Variants in COL4A6 observed in about 807,000 individuals in gnomAD.
COL4A6 encodes collagen alpha-6(IV) chain.
Under a neutral mutation model 126.7 loss-of-function variants are expected in COL4A6, and 59 were observed. The ratio of observed to expected loss-of-function variants is 0.47; its 90% CI spans 0.38 to 0.58. The LOEUF (loss-of-function observed/expected upper bound fraction) is 0.58. COL4A6 is among the 20% of genes least tolerant of loss of function. The pLI is 0.00. For missense variants in COL4A6, 1,285 were observed against 1,337.3 expected, an observed-to-expected ratio of 0.96 and a Z score of 0.61; for synonymous variants, 547 against 496.6, an observed-to-expected ratio of 1.10 and a Z score of -1.35.
In COL4A6 at chrX:108,159,569, C is replaced by G. The variant is rs1461360558; in HGVS notation, c.4705G>C (p.Val1569Leu). 8 of 1,210,868 alleles carry G rather than the reference C, an allele frequency of 6.6e-6. No homozygotes were observed. Among genetic ancestry groups the G allele is most frequent in the African/African-American group, 1.7e-5 (1 of 57,453 alleles). The stretch of plus-strand genomic sequence containing the variant: ...ATGGCTTGCGAGGGTGCCTCACACA[C>G]AGAGCAGCGGCTGATGTACTGGGGA... ...QIPQYISRCS[V>L]CEAPSQAIAV... The change falls in exon 44 of 45, where the codon GTG becomes CTG. Residue 1569 changes from valine to leucine, a missense_variant. Val to Leu is a conservative substitution (Grantham distance 32, BLOSUM62 1). Coordinates refer to ENST00000334504, the MANE Select transcript of COL4A6 (RefSeq NM_033641.4).
intron 3 of COL4A6, among the ~76,000 whole-genome samples, chrX:108,301,365 A>T (rs2038484743): frequency 8.9e-6 from 1 of 112,396 alleles, no homozygotes; most frequent in Non-Finnish European, 1.9e-5. Flanking sequence ...GATATTAGAA[A>T]AACACTTTAA....
chrX:108,367,183 A>G (rs1268562025), intron 2 of COL4A6, among the ~76,000 whole-genome samples: 2 of 112,314 alleles, frequency 1.8e-5, no homozygotes, highest in Non-Finnish European at 3.8e-5. Flanking sequence ...AGGCAAAAAA[A>G]TATACTGGCT....
At chrX:108,408,903 G>A (rs1796698961) in intron 2 of COL4A6, among the ~76,000 whole-genome samples, 1 of 112,007 alleles carries the variant, frequency 8.9e-6, no homozygotes, top group Non-Finnish European at 1.9e-5. Context: ...AGAGGTTGTG[G>A]TGAGCTGAGA....
intron 3 of COL4A6, among the ~76,000 whole-genome samples, chrX:108,229,065 T>A (rs769433528): frequency 8.9e-6 from 1 of 112,220 alleles, no homozygotes; most frequent in East Asian, 2.8e-4. Context: ...TGGGTCTGGC[T>A]GGAGCAGAGG....
chrX:108,379,732 G>A (rs1479708274), intron 2 of COL4A6, among the ~76,000 whole-genome samples: 1 of 110,110 alleles, frequency 9.1e-6, no homozygotes, highest in Non-Finnish European at 1.9e-5. Context: ...CTTCACAGCT[G>A]ATGGAGACAT....
At chrX:108,375,414 A>G (rs1240133196) in intron 2 of COL4A6, among the ~76,000 whole-genome samples, 4 of 111,750 alleles carry the variant, frequency 3.6e-5, no homozygotes, top group Admixed American at 9.5e-5. Flanking sequence ...TACCTGGGGA[A>G]AACCCTTCTA....
At chrX:108,431,436 C>T (rs73533294) in intron 2 of COL4A6, among the ~76,000 whole-genome samples, 7,028 of 111,307 alleles carry the variant, frequency 0.063, 526 homozygotes, top group African/African-American at 0.2. Context: ...ATTAAAATCC[C>T]GAATGTTGAA....
intron 2 of COL4A6, among the ~76,000 whole-genome samples, chrX:108,395,247 C>T (rs1209115815): frequency 8.9e-6 from 1 of 111,944 alleles, no homozygotes; most frequent in African/African-American, 3.2e-5. Flanking sequence ...ACATGTGTTA[C>T]TGTGTGATCT....
intron 2 of COL4A6, among the ~76,000 whole-genome samples, chrX:108,418,596 A>C (rs1287100877): frequency 1.8e-5 from 2 of 112,308 alleles, no homozygotes; most frequent in Non-Finnish European, 3.8e-5. Flanking sequence ...ACCATAAGTA[A>C]AACTGGCTTT....
chrX:108,438,088 A>T, intron 1 of COL4A6, 95 bp from the exon 2 acceptor site: 1 of 1,202,465 alleles, frequency 8.3e-7, no homozygotes, highest in Non-Finnish European at 1.1e-6. Context: ...GCCTGCTCCC[A>T]ATTTCTCTGC....
intron 2 of COL4A6, among the ~76,000 whole-genome samples, chrX:108,337,278 C>G (rs1327081121): frequency 9.0e-6 from 1 of 111,499 alleles, no homozygotes; most frequent in East Asian, 2.8e-4. Context: ...ACACTCACTC[C>G]TGGTAATTCC....
At chrX:108,184,174 C>CAATGCA (rs1300779927) in intron 23 of COL4A6, among the ~76,000 whole-genome samples, 1 of 112,263 alleles carries the variant, frequency 8.9e-6, no homozygotes, top group Non-Finnish European at 1.9e-5. Flanking sequence ...GAAATGGCTA[C>CAATGCA]AATGCAAATG....
chrX:108,404,224 A>G (rs1049874283), intron 2 of COL4A6, among the ~76,000 whole-genome samples: 3 of 112,194 alleles, frequency 2.7e-5, no homozygotes, highest in Non-Finnish European at 5.6e-5. Context: ...TTATTTTAGT[A>G]AATAAAAATG....
intron 1 of COL4A6, 61 bp downstream of exon 1, chrX:108,438,125 G>A (rs2064304984): frequency 2.5e-6 from 3 of 1,208,336 alleles, no homozygotes; most frequent in Non-Finnish European, 3.4e-6. Flanking sequence ...GTATAGTCCC[G>A]GCCTGGCAAA....
intron 3 of COL4A6, among the ~76,000 whole-genome samples, chrX:108,302,719 A>ACTCTT (rs2038521473): frequency 9.0e-6 from 1 of 110,577 alleles, no homozygotes; most frequent in Admixed American, 9.7e-5. Context: ...TGGAGCCCCC[A>ACTCTT]CTCTTCCCTC....
rs749932266 is a variant in COL4A6, at chrX:108,187,865, C to T, written c.1750G>A (p.Gly584Ser). 8.3e-7 allele frequency: 1 copy of T among 1,203,591 alleles called. No homozygotes were observed. Among genetic ancestry groups the T allele is most frequent in the Non-Finnish European group, 1.1e-6 (1 of 891,307 alleles). ...PGKDGVPGLPGLPGLPGDGGQ... is the reference protein window; with the variant it reads ...PGKDGVPGLPSLPGLPGDGGQ... ...CAACTTACCGGAAGGCCTGGCAGAC[C>T]TGGTAAACCTGGTACTCCGTCCTTG... Residue 584 changes from glycine to serine, a missense_variant, in exon 22 of 45, where the codon GGT (glycine) becomes AGT (serine). Gly to Ser is a moderately conservative substitution (Grantham distance 56). Transcript: ENST00000334504.
At chrX:108,434,975 C>A (rs2147413669) in intron 2 of COL4A6, among the ~76,000 whole-genome samples, 2 of 110,402 alleles carry the variant, frequency 1.8e-5, no homozygotes, top group African/African-American at 6.6e-5. Flanking sequence ...TCGCTGAACT[C>A]CCTTAACATA....
chrX:108,273,794 T>C (rs980387216), intron 3 of COL4A6, among the ~76,000 whole-genome samples: 2 of 112,333 alleles, frequency 1.8e-5, no homozygotes, highest in African/African-American at 6.5e-5. Flanking sequence ...TTCTCACGTG[T>C]CCCACATTTT....
At chrX:108,212,190 G>A (rs1221854615) in intron 6 of COL4A6, among the ~76,000 whole-genome samples, 1 of 104,587 alleles carries the variant, frequency 9.6e-6, no homozygotes, top group Non-Finnish European at 2.0e-5. Flanking sequence ...TCTAAACTCT[G>A]TTTTATACTC....
Sources: gnomAD v4.1 joint callset for allele counts (sites outside exome capture counted in the v4.1 genomes callset) on GRCh38, gnomAD v4.1.1 for gene constraint, MANE v1.5 for transcripts, NCBI Gene and HGNC (gene_info 2026-07-23, HGNC 2026-07-21) for gene names.